Variants in MIA2 observed in about 807,000 individuals in gnomAD.
The protein encoded by MIA2 is melanoma inhibitory activity protein 2.
MIA2 carries 127 observed loss-of-function variants against 167.8 expected under a neutral mutation model. That is an observed-to-expected ratio of 0.76 (90% CI 0.66 to 0.88). MIA2 has a LOEUF of 0.88. Among genes scored for constraint, MIA2 ranks in the 40% least tolerant of loss-of-function variants. MIA2 has a pLI of 0.00. For synonymous variants in MIA2, 552 were observed against 541.9 expected (o/e 1.02, Z -0.26); for missense variants, 1,690 against 1,624.7 (o/e 1.04, Z -0.69).
At chr14:39,278,177 T>C (rs1189877114) in intron 7 of MIA2, among the ~76,000 whole-genome samples, 2 of 152,052 alleles carry the variant, frequency 1.3e-5, no homozygotes, top group African/African-American at 4.8e-5. Flanking sequence ...TTTCACTGTG[T>C]TGCTCAGAAC....
chr14:39,355,178 C>A (rs1298573985), downstream of MIA2, among the ~76,000 whole-genome samples: 1 of 150,988 alleles, frequency 6.6e-6, no homozygotes, highest in Admixed American at 6.6e-5. Flanking sequence ...ATTGATTCTT[C>A]CTACCCATGA....
chr14:39,250,674 C>A lies in MIA2; in HGVS notation c.1568-2074C>A, dbSNP rs573388576. Among the ~76,000 whole-genome samples the A allele has an allele frequency of 8.9e-5, 13 of 145,966 alleles. No individual in the cohort carries two copies. In the East Asian group the frequency reaches 2.4e-3, roughly 27 times the overall value. ...TTGCGCCACTGCACTCCAGCCTGGG[C>A]AATAGAGTGAGACTCAGTCTCAAAA... On this transcript the variant is annotated intron_variant, in intron 4 of 28. Coordinates refer to ENST00000640607, the MANE Select transcript of MIA2 (RefSeq NM_001329214.4).
chr14:39,365,292 C>G (rs1026353247), intron 23 of MIA2, among the ~76,000 whole-genome samples: 1 of 152,154 alleles, frequency 6.6e-6, no homozygotes, highest in Non-Finnish European at 1.5e-5. Context: ...TCTCGAACTT[C>G]TGACCTCAAG....
chr14:39,316,535 C>T (rs2065476559), intron 21 of MIA2, among the ~76,000 whole-genome samples: 1 of 152,204 alleles, frequency 6.6e-6, no homozygotes, highest in Admixed American at 6.5e-5. Flanking sequence ...ACACAGTATA[C>T]ATTCAGTGAA....
intron 9 of MIA2, among the ~76,000 whole-genome samples, chr14:39,280,911 G>GTTT (rs751903170): frequency 3.8e-4 from 23 of 60,194 alleles, no homozygotes; most frequent in South Asian, 1.7e-3. Flanking sequence ...TATTAGTTTA[G>GTTT]TTTTTTTTTT....
intron 4 of MIA2, among the ~76,000 whole-genome samples, 168 bp from the exon 5 acceptor site, chr14:39,252,580 A>G (rs1217046274): frequency 6.6e-6 from 1 of 152,208 alleles, no homozygotes; most frequent in African/African-American, 2.4e-5. Flanking sequence ...CTTACTAGCA[A>G]TAGGAACTAA....
At chr14:39,261,138 C>T (rs2055085784) in intron 6 of MIA2, among the ~76,000 whole-genome samples, 1 of 152,066 alleles carries the variant, frequency 6.6e-6, no homozygotes. Context: ...TTTCCCTCCC[C>T]CTCCCCTCAC....
rs1190781623 is a variant in MIA2, at chr14:39,320,962, G to A, written c.3402G>A (p.Trp1134Ter). The part of the protein sequence containing the change: ...HSPYGPSPLG[W>*]PSSETRAFLS... ...CATATGGTCCCTCACCATTGGGTTG[G>A]CCTTCATCTGAAACAAGAGCTTTTC... is the stretch of plus-strand genomic sequence containing the variant. The change falls in exon 24 of 29, where the codon TGG (tryptophan) becomes TGA (stop). Residue 1134 changes from tryptophan (W) to a stop codon, truncating the protein, a stop_gained. Transcript: ENST00000640607. LOFTEE classifies it high-confidence loss of function. 6.2e-7 allele frequency: 1 copy of A among 1,613,674 alleles called. No homozygotes were observed. The highest frequency in any genetic ancestry group is 1.7e-5 in the Admixed American group (1 of 59,978).
rs763271064 is a variant in MIA2 at position 39,279,561 on chromosome 14, T to C, written c.2130+24T>C. On this transcript the variant is annotated intron_variant, in intron 9 of 28. Coordinates refer to ENST00000640607, the MANE Select transcript of MIA2 (RefSeq NM_001329214.4). ...AGGTAAGATATTTTTGAAAATAATA[T>C]TCATGTTAGAGTCAGAGAACTTTAT... 2.7e-6 allele frequency: 4 copies of C among 1,479,110 alleles called. No individual in the cohort carries two copies. In the South Asian group the frequency reaches 3.6e-5, roughly 13 times the overall value. The allele number at this position is 1,479,110 out of a possible 1,614,324, so 91.6% of individuals were successfully genotyped here.
chr14:39,301,867 T>A (rs1230927497), intron 14 of MIA2, among the ~76,000 whole-genome samples: 1 of 152,248 alleles, frequency 6.6e-6, no homozygotes, highest in African/African-American at 2.4e-5. Flanking sequence ...AATATTTTAC[T>A]ACTTTTTAGT....
chr14:39,268,370 A>G (rs1172401103), intron 6 of MIA2, among the ~76,000 whole-genome samples: 1 of 152,188 alleles, frequency 6.6e-6, no homozygotes, highest in Non-Finnish European at 1.5e-5. Flanking sequence ...TTTAATATGA[A>G]AAGAGCACCT....
intron 20 of MIA2, chr14:39,315,028 A>T: frequency 2.8e-6 from 1 of 359,146 alleles, no homozygotes; most frequent in Admixed American, 4.7e-5. Context: ...CACACCAGTA[A>T]TCCCAGCACT....
At chr14:39,352,703 TATAA>T (rs1221629810), downstream of MIA2, among the ~76,000 whole-genome samples, 1 of 152,190 alleles carries the variant, frequency 6.6e-6, no homozygotes, top group Non-Finnish European at 1.5e-5. Context: ...ATTAATGCTG[TATAA>T]ATAGTTGTTA....
At chr14:39,368,695 T>A (rs988494661) in intron 23 of MIA2, among the ~76,000 whole-genome samples, 4 of 151,494 alleles carry the variant, frequency 2.6e-5, no homozygotes, top group African/African-American at 9.7e-5. Flanking sequence ...TTTTGTTTTT[T>A]TTTTTGGTAA....
chr14:39,314,842 A>T lies in MIA2; in HGVS notation c.3180+43A>T. 4.7e-6 allele frequency: 2 copies of T among 424,932 alleles called. 1 individual carries two copies. Among genetic ancestry groups the T allele is most frequent in the Non-Finnish European group, 6.6e-6 (2 of 303,026 alleles). The allele number at this position is 424,932 out of a possible 1,614,324, so 26.3% of individuals were successfully genotyped here. On this transcript the variant is annotated intron_variant, in intron 20 of 28. Coordinates refer to ENST00000640607, the MANE Select transcript of MIA2 (RefSeq NM_001329214.4). ...TGTGTGTGTGTGTGTGTGTGTATAT[A>T]TATATAATTTAAAACAATTCTGATT...
downstream of MIA2, among the ~76,000 whole-genome samples, chr14:39,353,283 A>AATTTAT: frequency 6.6e-6 from 1 of 152,272 alleles, no homozygotes; most frequent in Middle Eastern, 3.4e-3. Flanking sequence ...CAAAGATTAG[A>AATTTAT]ATTTATTTCA....
At position 39,361,729 on chromosome 14, in the gene MIA2, C is replaced by T. The variant is rs184548402; in HGVS notation, c.2248+12752C>T. 1.5e-3 allele frequency among the ~76,000 whole-genome samples: 221 copies of T among 152,142 alleles called. 1 individual carries two copies. The highest frequency in any genetic ancestry group is 6.8e-3 in the Middle Eastern group (2 of 294). ...TGCTGGGATTACAGGCTTGAGCCAC[C>T]GTGCCTGGCCTTTTAGTACTATATT... On this transcript the variant is annotated intron_variant, in intron 23 of 23. Transcript: ENST00000341502.
rs150041249 is a variant in MIA2, at chr14:39,268,977, C to T, written c.1888-7957C>T. On this transcript the variant is annotated intron_variant, in intron 6 of 28. Transcript: ENST00000640607. ...TAATCAAGATTTAGTTTTTATAGGA[C>T]TGCCAGTGTACATGGAGAAATGCAG... 2.4e-4 allele frequency: 233 copies of T among 980,834 alleles called. 1 individual carries two copies. The African/African-American group carries it at 3.1e-3, about 13-fold the overall frequency. 60.8% of individuals were successfully genotyped at this position (980,834 alleles called of 1,614,324 possible).
intron 24 of MIA2, among the ~76,000 whole-genome samples, chr14:39,323,976 C>A (rs569257120): frequency 1.3e-5 from 2 of 152,300 alleles, no homozygotes; most frequent in East Asian, 3.9e-4. Flanking sequence ...TTTCTATGAT[C>A]CACCAAAGGA....
Sources: gnomAD v4.1 joint callset for allele counts (sites outside exome capture counted in the v4.1 genomes callset) on GRCh38, gnomAD v4.1.1 for gene constraint, MANE v1.5 for transcripts, NCBI Gene and HGNC (gene_info 2026-07-23, HGNC 2026-07-21) for gene names.